The following HTR1F variants were observed in gnomAD, a reference collection of about 807,000 sequenced individuals.
HTR1F encodes 5-hydroxytryptamine (serotonin) receptor 1F, G protein-coupled.
HTR1F carries 17 observed loss-of-function variants against 24.0 expected under a neutral mutation model. The observed-to-expected ratio is 0.71, with a 90% CI of 0.48 to 1.06. The LOEUF is 1.06. HTR1F is among the 50% of genes least tolerant of loss of function. The probability of loss-of-function intolerance (pLI) is 0.00; values close to 1 mark genes in which losing one functional copy is unlikely to be tolerated. For missense variants in HTR1F, 391 were observed against 427.8 expected, an observed-to-expected ratio of 0.91 and a Z score of 0.76; for synonymous variants, 186 against 156.8, an observed-to-expected ratio of 1.19 and a Z score of -1.39.
At chr3:87,843,914 A>G (rs1278067925) in intron 2 of HTR1F, among the ~76,000 whole-genome samples, 8 of 151,348 alleles carry the variant, frequency 5.3e-5, no homozygotes, top group Admixed American at 5.3e-4. Context: ...CATTTTCTTA[A>G]TCCAGTCTAT....
At chr3:87,847,877 G>A (rs370206326) in intron 2 of HTR1F, among the ~76,000 whole-genome samples, 4 of 151,736 alleles carry the variant, frequency 2.6e-5, no homozygotes, top group Non-Finnish European at 5.9e-5. Context: ...ACATGACTGC[G>A]CTCTTTATGG....
intron 2 of HTR1F, among the ~76,000 whole-genome samples, chr3:87,886,757 G>A (rs1705956266): frequency 6.6e-6 from 1 of 152,048 alleles, no homozygotes; most frequent in South Asian, 2.1e-4. Context: ...AAAACACCTA[G>A]GAATCCAACT....
chr3:87,989,795 A>C (rs1196030050), intron 2 of HTR1F, among the ~76,000 whole-genome samples: 1 of 152,236 alleles, frequency 6.6e-6, no homozygotes, highest in Non-Finnish European at 1.5e-5. Flanking sequence ...TTCGCAGCCC[A>C]ATAACGAGAT....
At chr3:87,969,796 C>T (rs1469673188) in intron 2 of HTR1F, among the ~76,000 whole-genome samples, 2 of 152,172 alleles carry the variant, frequency 1.3e-5, no homozygotes, top group Non-Finnish European at 2.9e-5. Flanking sequence ...TGTGTCCCCA[C>T]CCACATGTCA....
intron 2 of HTR1F, among the ~76,000 whole-genome samples, chr3:87,869,246 C>CAAAT (rs986566621): frequency 1.3e-5 from 2 of 151,864 alleles, no homozygotes; most frequent in African/African-American, 4.8e-5. Context: ...CCAGCTAATT[C>CAAAT]AAATAGGTCC....
chr3:87,936,036 G>A (rs1338840786), intron 2 of HTR1F, among the ~76,000 whole-genome samples: 2 of 152,106 alleles, frequency 1.3e-5, no homozygotes, highest in South Asian at 4.1e-4. Flanking sequence ...TATTTGTAGA[G>A]ATGGGATTTC....
intron 2 of HTR1F, among the ~76,000 whole-genome samples, chr3:87,826,664 G>A (rs1006472838): frequency 8.5e-5 from 13 of 152,108 alleles, no homozygotes; most frequent in African/African-American, 1.2e-4. Context: ...CTTCGATAAC[G>A]TCTCTTTAAG....
chr3:87,826,415 A>C (rs1029263865), intron 2 of HTR1F, among the ~76,000 whole-genome samples: 66 of 152,294 alleles, frequency 4.3e-4, no homozygotes, highest in African/African-American at 1.4e-3. Context: ...GCATATTTTT[A>C]TGAAATCAGC....
At chr3:87,912,150 C>T (rs1703791879) in intron 2 of HTR1F, among the ~76,000 whole-genome samples, 1 of 151,616 alleles carries the variant, frequency 6.6e-6, no homozygotes, top group Non-Finnish European at 1.5e-5. Flanking sequence ...TGACATGATT[C>T]TATATCTAGA....
intron 1 of HTR1F, among the ~76,000 whole-genome samples, chr3:87,805,505 T>C (rs973794321): frequency 9.2e-5 from 14 of 152,090 alleles, no homozygotes; most frequent in African/African-American, 3.4e-4. Flanking sequence ...ATTTTAAAAT[T>C]GATGTATAAT....
At chr3:87,889,024 T>C (rs1356504291) in intron 2 of HTR1F, among the ~76,000 whole-genome samples, 2 of 152,140 alleles carry the variant, frequency 1.3e-5, no homozygotes, top group African/African-American at 4.8e-5. Context: ...ATGCTCTTCC[T>C]GGTGGGGAAG....
intron 2 of HTR1F, among the ~76,000 whole-genome samples, chr3:87,833,511 T>TA (rs1330754249): frequency 1.3e-5 from 2 of 152,144 alleles, no homozygotes; most frequent in East Asian, 1.9e-4. Flanking sequence ...ATAAAGCACT[T>TA]AAAAAAATAG....
intron 1 of HTR1F, among the ~76,000 whole-genome samples, chr3:87,813,669 C>T (rs780735241): frequency 6.6e-5 from 10 of 152,090 alleles, no homozygotes; most frequent in Non-Finnish European, 1.0e-4. Context: ...GTAATCTCCA[C>T]GTGTCGAGAG....
chr3:87,839,021 T>A (rs896836996), intron 2 of HTR1F, among the ~76,000 whole-genome samples: 17 of 148,848 alleles, frequency 1.1e-4, no homozygotes, highest in Admixed American at 1.0e-3. Flanking sequence ...TATTTTTATT[T>A]TTATTTTTTT....
intron 2 of HTR1F, among the ~76,000 whole-genome samples, chr3:87,873,234 A>C (rs1306098923): frequency 6.6e-6 from 1 of 152,062 alleles, no homozygotes; most frequent in Non-Finnish European, 1.5e-5. Flanking sequence ...TAGAAACGCC[A>C]GTAGTATAAT....
At chr3:87,849,597 A>C (rs1705033354) in intron 2 of HTR1F, among the ~76,000 whole-genome samples, 1 of 151,944 alleles carries the variant, frequency 6.6e-6, no homozygotes, top group African/African-American at 2.4e-5. Context: ...CAAAAGACAA[A>C]ATTGACAAAT....
intron 2 of HTR1F, among the ~76,000 whole-genome samples, chr3:87,988,386 C>G (rs1321434869): frequency 6.6e-6 from 1 of 151,660 alleles, no homozygotes; most frequent in Non-Finnish European, 1.5e-5. Context: ...ATTCAAATAC[C>G]AGAAAGGTAT....
intron 2 of HTR1F, among the ~76,000 whole-genome samples, chr3:87,939,558 A>G (rs1198051554): frequency 6.6e-6 from 1 of 152,258 alleles, no homozygotes; most frequent in African/African-American, 2.4e-5. Flanking sequence ...AGAACTTGAT[A>G]CTGGTCTGTT....
At chr3:87,948,277 A>T (rs769103647) in intron 2 of HTR1F, among the ~76,000 whole-genome samples, 4 of 152,200 alleles carry the variant, frequency 2.6e-5, no homozygotes, top group Non-Finnish European at 2.9e-5. Context: ...AATGAACTTG[A>T]AAGACCAAAA....
Sources: gnomAD v4.1 joint callset for allele counts (sites outside exome capture counted in the v4.1 genomes callset) on GRCh38, gnomAD v4.1.1 for gene constraint, MANE v1.5 for transcripts, NCBI Gene and HGNC (gene_info 2026-07-23, HGNC 2026-07-21) for gene names.